SPG7: variants seen among roughly 807,000 people sequenced by gnomAD.
SPG7 encodes SPG7 matrix AAA peptidase subunit, paraplegin.
A neutral mutation model predicts 81.9 loss-of-function variants in SPG7; 103 were observed. That is an observed-to-expected ratio of 1.26 (90% CI 1.07 to 1.48). SPG7 has a LOEUF of 1.48. Ranked by LOEUF, SPG7 falls within the 40% of genes most tolerant of loss-of-function variation. SPG7 has a pLI of 0.00. For missense variants in SPG7, 1,241 were observed against 1,087.3 expected (o/e 1.14, Z -1.99); for synonymous variants, 534 against 444.2 (o/e 1.20, Z -2.54).
rs2058084958 is a variant in SPG7 at position 89,515,608 on chromosome 16, C to T, written c.376+2571C>T. Among the ~76,000 whole-genome samples, 4 of 146,768 alleles carry T rather than the reference C, an allele frequency of 2.7e-5. No individual in the cohort carries two copies. In the South Asian group the frequency reaches 9.7e-4, roughly 36 times the overall value. The stretch of plus-strand genomic sequence containing the variant: ...AAAATTTGCTGGGTAGGTGCGGTGG[C>T]TCACACCTGTAATCTGAGCACTTTG... On this transcript the variant is annotated intron_variant, in intron 3 of 16. Transcript: ENST00000645818.
chr16:89,531,038 C>T (rs952781938), intron 7 of SPG7: 1 of 635,090 alleles, frequency 1.6e-6, no homozygotes, highest in African/African-American at 1.8e-5. Flanking sequence ...CCCATGCCTA[C>T]TGTGCCGTTA....
At chr16:89,543,337 G>A (rs2058522611) in intron 9 of SPG7, 1 of 127,896 alleles carries the variant, frequency 7.8e-6, no homozygotes, top group African/African-American at 3.0e-5. Flanking sequence ...TGTTTATTGT[G>A]GACCTTTTCC....
chr16:89,554,620 C>T lies in SPG7; in HGVS notation c.2181+57C>T, dbSNP rs764942926. 5.3e-6 allele frequency: 6 copies of T among 1,135,984 alleles called. No individual in the cohort carries two copies. In the Admixed American group the frequency reaches 1.1e-4, roughly 20 times the overall value. The allele number at this position is 1,135,984 out of a possible 1,614,324, so 70.4% of individuals were successfully genotyped here. A position where few individuals can be genotyped will look rare whatever the true frequency, so the allele number is the denominator to read the frequency against. On this transcript the variant is annotated intron_variant, in intron 16 of 16. Transcript: ENST00000645818. ...CGTCACACAGTGTCCACACAGCACC[C>T]ACGGTCCCCACCCCTCTCGTGAAGT...
chr16:89,511,464 A>G (rs572595951), intron 2 of SPG7, among the ~76,000 whole-genome samples: 150 of 152,336 alleles, frequency 9.8e-4, no homozygotes, highest in African/African-American at 3.1e-3. Context: ...ACTCCTAACT[A>G]ACATTAAACA....
In SPG7 at chr16:89,512,708, A is replaced by T. The variant is rs543924928; in HGVS notation, c.287-240A>T. Among the ~76,000 whole-genome samples the T allele has an allele frequency of 4.3e-3, 650 of 152,356 alleles. 5 individuals are homozygous for T. Among genetic ancestry groups the T allele is most frequent in the Admixed American group, 0.012 (178 of 15,298 alleles). ...CTATTTTTTATTCCCTCACATTAGC[A>T]ATTTAAGTAGCAAAGATATTTAACG... is the stretch of plus-strand genomic sequence containing the variant. On this transcript the variant is annotated intron_variant, in intron 2 of 16. Coordinates refer to ENST00000645818, the MANE Select transcript of SPG7 (RefSeq NM_003119.4).
intron 9 of SPG7, among the ~76,000 whole-genome samples, chr16:89,535,214 C>G (rs575333943): frequency 3.1e-4 from 47 of 152,300 alleles, no homozygotes; most frequent in African/African-American, 1.1e-3. Context: ...GCGGTGGACT[C>G]TGCTGAGGAC....
At chr16:89,515,332 G>A (rs919574739) in intron 3 of SPG7, among the ~76,000 whole-genome samples, 18 of 150,928 alleles carry the variant, frequency 1.2e-4, no homozygotes, top group East Asian at 9.9e-4. Context: ...CCAGTGGTGC[G>A]ATGTCGGCTC....
At chr16:89,537,558 G>T (rs1379662685) in intron 9 of SPG7, 2 of 991,158 alleles carry the variant, frequency 2.0e-6, no homozygotes, top group Non-Finnish European at 1.2e-6. Flanking sequence ...CAGAGACAGG[G>T]TGTCGTTCTG....
At chr16:89,542,335 C>A (rs1281683156) in intron 9 of SPG7, 1 of 152,254 alleles carries the variant, frequency 6.6e-6, no homozygotes, top group East Asian at 1.9e-4. Flanking sequence ...GGGTCCCAGT[C>A]CCCACCCTCC....
In SPG7 at chr16:89,537,532, C is replaced by T. The variant is rs568194018; in HGVS notation, c.1324+4896C>T. 71 of 988,364 alleles carry T rather than the reference C, an allele frequency of 7.2e-5. No individual in the cohort carries two copies. The African/African-American group carries it at 1.0e-3, about 15-fold the overall frequency. The allele number at this position is 988,364 out of a possible 1,614,324, so 61.2% of individuals were successfully genotyped here. On this transcript the variant is annotated intron_variant, in intron 9 of 16. Transcript: ENST00000645818. ...AGGCTGCTGTGAACATTTTATGCTT[C>T]GACTTTTTTTTTCTTCAGAGACAGG...
chr16:89,555,807 C>G, intron 16 of SPG7: 1 of 394,824 alleles, frequency 2.5e-6, no homozygotes, highest in Non-Finnish European at 4.4e-6. Context: ...GCTCTTTGTC[C>G]CATGTTGTGA....
At chr16:89,525,141 GT>G (rs964832283) in intron 4 of SPG7, among the ~76,000 whole-genome samples, 6 of 151,602 alleles carry the variant, frequency 4.0e-5, no homozygotes, top group African/African-American at 1.5e-4. Flanking sequence ...TAAATTTTTT[GT>G]TTTTTTGGAG....
At chr16:89,524,953 CT>C (rs34661848) in intron 4 of SPG7, among the ~76,000 whole-genome samples, 356 of 118,918 alleles carry the variant, frequency 3.0e-3, no homozygotes, top group African/African-American at 8.6e-3. Flanking sequence ...TTTTCTTTTG[CT>C]TTTTTTTTTT....
intron 10 of SPG7, 61 bp downstream of exon 10, chr16:89,544,833 G>C: frequency 1.9e-6 from 3 of 1,602,080 alleles, no homozygotes; most frequent in Non-Finnish European, 2.6e-6. Flanking sequence ...CGCTCTGAGT[G>C]GTCTGGCCTC....
Position 89,529,510 on chromosome 16 carries a change from C to T in SPG7, c.792C>T (p.Gly264=), listed in dbSNP as rs1290241339. Residue 264 remains glycine, a synonymous_variant, in exon 6 of 17, where the codon GGC becomes GGT. Transcript: ENST00000645818. ...ALYSVGMTAV[G]LAILWYVFRL... is the part of the protein sequence containing the mutation. ...ACTCTGTGGGGATGACGGCAGTGGG[C>T]CTGGCCATCCTGTGGTATGTTTTCC... 2 of 1,613,734 alleles carry T rather than the reference C, an allele frequency of 1.2e-6. No homozygotes were observed. Among genetic ancestry groups the T allele is most frequent in the African/African-American group, 1.3e-5 (1 of 74,926 alleles).
At chr16:89,524,985 C>T (rs371758139) in intron 4 of SPG7, among the ~76,000 whole-genome samples, 3 of 145,314 alleles carry the variant, frequency 2.1e-5, no homozygotes, top group African/African-American at 7.6e-5. Flanking sequence ...ACAGAGTCTC[C>T]CTCTGTCTCA....
intron 8 of SPG7, 51 bp downstream of exon 8, chr16:89,532,117 C>G: frequency 1.9e-6 from 3 of 1,576,796 alleles, no homozygotes; most frequent in Non-Finnish European, 2.6e-6. Context: ...CTACCTGGCT[C>G]CTTTCACACA....
chr16:89,518,821 T>C (rs887286397), intron 3 of SPG7: 2 of 152,086 alleles, frequency 1.3e-5, no homozygotes, highest in African/African-American at 4.8e-5. Flanking sequence ...TTGGATTGCC[T>C]CAGCTGCGGT....
At chr16:89,526,179 G>A (rs541261216) in intron 4 of SPG7, 150 bp from the exon 5 acceptor site, 16 of 909,748 alleles carry the variant, frequency 1.8e-5, no homozygotes, top group East Asian at 1.7e-4. Flanking sequence ...ACCGTCGTAC[G>A]TTAGGAATCA....
Sources: gnomAD v4.1 joint callset for allele counts (sites outside exome capture counted in the v4.1 genomes callset) on GRCh38, gnomAD v4.1.1 for gene constraint, MANE v1.5 for transcripts, NCBI Gene and HGNC (gene_info 2026-07-23, HGNC 2026-07-21) for gene names.